Variants in TRPM3 observed in about 807,000 individuals in gnomAD.
The protein encoded by TRPM3 is transient receptor potential cation channel subfamily M member 3.
A neutral mutation model predicts 181.2 loss-of-function variants in TRPM3; 77 were observed. The observed-to-expected ratio is 0.42, with a 90% CI of 0.35 to 0.51. The LOEUF (loss-of-function observed/expected upper bound fraction) is 0.51, where lower values mean the gene tolerates loss of function less well. Ranked by LOEUF, TRPM3 falls within the 20% of genes least tolerant of loss-of-function variation. The pLI, the probability that TRPM3 is intolerant of heterozygous loss-of-function variation, is 0.01. For missense variants in TRPM3, 1,759 were observed against 2,196.7 expected (o/e 0.80, Z 3.98); for synonymous variants, 745 against 796.4 (o/e 0.94, Z 1.09).
chr9:70,862,337 C>CA lies in TRPM3; in HGVS notation c.462+570dup, dbSNP rs142765744. Among the ~76,000 whole-genome samples, 1,204 of 152,164 alleles carry CA rather than the reference C, an allele frequency of 7.9e-3. 18 individuals carry two copies. Among genetic ancestry groups the CA allele is most frequent in the African/African-American group, 0.028 (1,149 of 41,526 alleles). ...CATATTTCCTAAAGTCTCCCCAACT[C>CA]AAAAAATGCTTTTTATGTGGAATCT... On this transcript the variant is annotated intron_variant, in intron 3 of 25. Coordinates refer to ENST00000677713, the MANE Select transcript of TRPM3 (RefSeq NM_001366145.2).
chr9:71,160,563 A>G (rs1029061732), intron 1 of TRPM3, among the ~76,000 whole-genome samples: 1 of 152,156 alleles, frequency 6.6e-6, no homozygotes, highest in Non-Finnish European at 1.5e-5. Context: ...TGCTCAGAAC[A>G]TATTTGTATC....
At chr9:71,399,839 C>A (rs979077641) in intron 1 of TRPM3, among the ~76,000 whole-genome samples, 3 of 151,984 alleles carry the variant, frequency 2.0e-5, no homozygotes, top group African/African-American at 7.2e-5. Flanking sequence ...CCTATATTTT[C>A]TTTTCGTTTC....
intron 1 of TRPM3, among the ~76,000 whole-genome samples, chr9:71,364,184 A>G (rs1484187937): frequency 6.6e-6 from 1 of 152,048 alleles, no homozygotes; most frequent in East Asian, 1.9e-4. Flanking sequence ...CAACAATAAA[A>G]AGAACTGGGC....
intron 8 of TRPM3, among the ~76,000 whole-genome samples, chr9:70,753,423 T>C (rs922343058): frequency 4.6e-5 from 7 of 152,086 alleles, no homozygotes; most frequent in Non-Finnish European, 1.0e-4. Context: ...GCCTATTGAC[T>C]AGAGATAAAT....
chr9:70,739,193 C>G (rs2073437981), intron 8 of TRPM3, among the ~76,000 whole-genome samples: 1 of 152,060 alleles, frequency 6.6e-6, no homozygotes, highest in Non-Finnish European at 1.5e-5. Context: ...AACTACAGAC[C>G]GATATCCCTG....
At chr9:71,341,441 G>C (rs1413768801) in intron 1 of TRPM3, among the ~76,000 whole-genome samples, 1 of 152,126 alleles carries the variant, frequency 6.6e-6, no homozygotes, top group Non-Finnish European at 1.5e-5. Flanking sequence ...TATCACTTCT[G>C]TGGTATCTTT....
chr9:71,053,837 T>C (rs961756265), intron 1 of TRPM3, among the ~76,000 whole-genome samples: 1 of 152,068 alleles, frequency 6.6e-6, no homozygotes, highest in Non-Finnish European at 1.5e-5. Flanking sequence ...TGAGCATCAT[T>C]AATACATATT....
chr9:71,264,393 T>C (rs1358943182), intron 1 of TRPM3, among the ~76,000 whole-genome samples: 16 of 152,080 alleles, frequency 1.1e-4, no homozygotes, highest in Admixed American at 1.0e-3. Flanking sequence ...CACTAAAATA[T>C]ACAAAATTTT....
intron 3 of TRPM3, among the ~76,000 whole-genome samples, chr9:70,852,452 C>A (rs1002171962): frequency 6.6e-6 from 1 of 152,152 alleles, no homozygotes; most frequent in African/African-American, 2.4e-5. Flanking sequence ...CTGTACTTCT[C>A]CTTTTCCTTT....
rs372303114 is a variant in TRPM3 at position 70,766,609 on chromosome 9, CCAAAG to C, written c.1149-4890_1149-4886del. ...ATGAAATTTTATCATTTGCTAGAAG[CCAAAG>C]CAAATTACTAAATGTTATATTAAGA... On this transcript the variant is annotated intron_variant, in intron 7 of 25. Coordinates refer to ENST00000677713, the MANE Select transcript of TRPM3 (RefSeq NM_001366145.2). 1.4e-3 allele frequency among the ~76,000 whole-genome samples: 205 copies of C among 151,548 alleles called. 3 individuals are homozygous for C. The South Asian group carries it at 0.019, about 14-fold the overall frequency.
intron 1 of TRPM3, among the ~76,000 whole-genome samples, chr9:71,324,147 A>G (rs534430680): frequency 6.6e-6 from 1 of 152,266 alleles, no homozygotes; most frequent in African/African-American, 2.4e-5. Flanking sequence ...TTTCTAATCA[A>G]TCTATAGATA....
At chr9:70,998,732 T>A (rs2097569783) in intron 1 of TRPM3, among the ~76,000 whole-genome samples, 1 of 152,164 alleles carries the variant, frequency 6.6e-6, no homozygotes, top group African/African-American at 2.4e-5. Flanking sequence ...ATTATTCCCA[T>A]GAGAGGGATG....
intron 22 of TRPM3, among the ~76,000 whole-genome samples, chr9:70,564,365 G>A (rs1175815314): frequency 2.0e-5 from 3 of 152,126 alleles, no homozygotes. Flanking sequence ...TCTGAGCAAT[G>A]AGGGCAGGAG....
intron 6 of TRPM3, among the ~76,000 whole-genome samples, chr9:70,817,361 C>A (rs7868854): frequency 0.25 from 37,793 of 152,028 alleles, 5,832 homozygotes; most frequent in African/African-American, 0.43. Context: ...TCTCATGGAC[C>A]ATGCAAACAG....
At chr9:70,749,073 C>T (rs532191572) in intron 8 of TRPM3, among the ~76,000 whole-genome samples, 144 of 152,050 alleles carry the variant, frequency 9.5e-4, no homozygotes, top group African/African-American at 3.3e-3. Flanking sequence ...GCTATGTTGC[C>T]TAGGCTGGTC....
At chr9:71,085,472 A>G (rs1326638263) in intron 1 of TRPM3, among the ~76,000 whole-genome samples, 4 of 152,116 alleles carry the variant, frequency 2.6e-5, no homozygotes, top group African/African-American at 9.7e-5. Flanking sequence ...TGGGCAAAAG[A>G]CATGAACAGG....
chr9:71,227,574 ATT>A (rs918464852), intron 1 of TRPM3, among the ~76,000 whole-genome samples: 4 of 152,066 alleles, frequency 2.6e-5, no homozygotes, highest in African/African-American at 9.7e-5. Flanking sequence ...GATAAACAAA[ATT>A]GACAAACCTT....
At chr9:70,785,959 T>C (rs1415206329) in intron 6 of TRPM3, among the ~76,000 whole-genome samples, 1 of 152,028 alleles carries the variant, frequency 6.6e-6, no homozygotes, top group African/African-American at 2.4e-5. Flanking sequence ...GACCCATTCG[T>C]TTTCTGTGGA....
At chr9:70,803,048 AAAAAAAAAAAAC>A (rs1323672848) in intron 6 of TRPM3, among the ~76,000 whole-genome samples, 8,316 of 146,812 alleles carry the variant, frequency 0.057, 964 homozygotes, top group African/African-American at 0.2. Context: ...AAAAAAAAAA[AAAAAAAAAAAAC>A]AAAGGCCCAA....
Sources: allele counts gnomAD v4.1 joint callset (sites outside exome capture counted in the v4.1 genomes callset), GRCh38; gene constraint gnomAD v4.1.1; transcripts MANE v1.5; gene names NCBI Gene and HGNC (gene_info 2026-07-23, HGNC 2026-07-21).